The following ITSN2 variants were observed in gnomAD, a reference collection of about 807,000 sequenced individuals.
ITSN2 encodes intersectin-2.
Under a neutral mutation model 243.7 loss-of-function variants are expected in ITSN2, and 156 were observed. That is an observed-to-expected ratio of 0.64 (90% CI 0.56 to 0.73). ITSN2 has a LOEUF of 0.73. Among genes scored for constraint, ITSN2 ranks in the 30% least tolerant of loss-of-function variants. The pLI is 0.00. For synonymous variants in ITSN2, 703 were observed against 699.9 expected (o/e 1.00, Z -0.07); for missense variants, 1,801 against 1,996.1 (o/e 0.90, Z 1.86).
At position 24,208,223 on chromosome 2, in the gene ITSN2, G is replaced by A. The variant is rs779336849; in HGVS notation, c.4678+14C>T. 1.9e-5 allele frequency: 31 copies of A among 1,609,808 alleles called. No homozygotes were observed. Among genetic ancestry groups the A allele is most frequent in the South Asian group, 5.5e-5 (5 of 91,018 alleles). The stretch of plus-strand genomic sequence containing the variant: ...CCCTGGGGGCTGCGTCCCACCCTCC[G>A]GGCACCCTGATACCTTGGTAAGCTT... On this transcript the variant is annotated intron_variant, in intron 37 of 39. Transcript: ENST00000355123.
chr2:24,250,724 T>C (rs1673976841), intron 25 of ITSN2, among the ~76,000 whole-genome samples: 2 of 152,150 alleles, frequency 1.3e-5, no homozygotes, highest in Admixed American at 1.3e-4. Flanking sequence ...CAAGTTTTAG[T>C]GTGGTAGAAT....
Position 24,270,670 on chromosome 2 carries a change from C to T in ITSN2, c.2355+1G>A. On this transcript the variant is annotated splice_donor_variant, in intron 20 of 39. Transcript: ENST00000355123. LOFTEE classifies it high-confidence loss of function. ...GATTAAAAAAAAAATTCATTTCCTACCTGAATTATATCTCCAGAATTAAAA... is the reference window on the plus strand; with the variant it reads ...GATTAAAAAAAAAATTCATTTCCTATCTGAATTATATCTCCAGAATTAAAA... 6.7e-7 allele frequency: 1 copy of T among 1,496,878 alleles called. No individual in the cohort carries two copies. Among genetic ancestry groups the T allele is most frequent in the Non-Finnish European group, 9.3e-7 (1 of 1,080,746 alleles). 92.7% of individuals were successfully genotyped at this position (1,496,878 alleles called of 1,614,324 possible).
Position 24,261,566 on chromosome 2 carries a change from G to A in ITSN2, c.2532C>T (p.Ser844=). 1 of 1,609,562 alleles carries A rather than the reference G, an allele frequency of 6.2e-7. No individual in the cohort carries two copies. Among genetic ancestry groups the A allele is most frequent in the Non-Finnish European group, 8.5e-7 (1 of 1,177,590 alleles). The part of the protein sequence containing the change: ...PTVSLSATST[S]SEPLSSNQPA... The stretch of plus-strand genomic sequence containing the variant: ...ACTGTTAGCTAAAAACTTACTCAGA[G>A]GAAGTTGAGGTAGCAGATAAAGAAA... Residue 844 remains serine (S), a synonymous_variant, in exon 21 of 40, where the codon TCC becomes TCT. Coordinates refer to ENST00000355123, the MANE Select transcript of ITSN2 (RefSeq NM_006277.3).
At position 24,328,107 on chromosome 2, in the gene ITSN2, C is replaced by T. The variant is rs1685356261; in HGVS notation, c.-25G>A. The T allele has an allele frequency of 6.2e-7, 1 of 1,612,802 alleles. No individual in the cohort carries two copies. Among genetic ancestry groups the T allele is most frequent in the Non-Finnish European group, 8.5e-7 (1 of 1,179,090 alleles). On this transcript the variant is annotated 5_prime_UTR_variant, in exon 2 of 40. Transcript: ENST00000355123. ...TGGTCCTGAGTTTTCCTTGCTAGCT[C>T]TCAGCCATCTGCAACATAAAAATAT... is the stretch of plus-strand genomic sequence containing the variant.
At chr2:24,222,658 T>TTTTTC (rs1423723869) in intron 29 of ITSN2, among the ~76,000 whole-genome samples, 43 of 148,184 alleles carry the variant, frequency 2.9e-4, no homozygotes, top group African/African-American at 9.5e-4. Flanking sequence ...ACAATAACTA[T>TTTTTC]TTTTCTTTTC....
At chr2:24,266,921 A>G (rs1161268634) in intron 20 of ITSN2, among the ~76,000 whole-genome samples, 1 of 152,094 alleles carries the variant, frequency 6.6e-6, no homozygotes. Context: ...TGGGTAACAG[A>G]TTGAGACCCA....
chr2:24,285,174 C>T (rs1389051084), intron 16 of ITSN2, among the ~76,000 whole-genome samples: 1 of 152,130 alleles, frequency 6.6e-6, no homozygotes, highest in Non-Finnish European at 1.5e-5. Flanking sequence ...GGATTACAGG[C>T]ATGAGCCACC....
chr2:24,288,482 C>G (rs1558559245), intron 15 of ITSN2, among the ~76,000 whole-genome samples: 1 of 151,984 alleles, frequency 6.6e-6, no homozygotes, highest in African/African-American at 2.4e-5. Flanking sequence ...CATAATTTAG[C>G]TAATTAACAT....
chr2:24,341,173 G>A (rs1016670881), intron 1 of ITSN2, among the ~76,000 whole-genome samples: 3 of 152,156 alleles, frequency 2.0e-5, no homozygotes, highest in Admixed American at 6.6e-5. Flanking sequence ...AAGAAAGTAG[G>A]AATCTAGATA....
intron 29 of ITSN2, chr2:24,221,389 G>C (rs1168888567): frequency 7.6e-6 from 2 of 262,024 alleles, no homozygotes; most frequent in Non-Finnish European, 1.4e-5. Context: ...ATGATTAAAT[G>C]AATCAGATGC....
In ITSN2 at chr2:24,310,532, G is replaced by C. The variant is rs760514011; in HGVS notation, c.513C>G (p.Thr171=). ...TGGGTAAAGGCTGAATGAGACTGGCGGTTCCATTTGGTAATGATGATGTGC... is the reference window on the plus strand; with the variant it reads ...TGGGTAAAGGCTGAATGAGACTGGCCGTTCCATTTGGTAATGATGATGTGC... ...SVSTSSLPNG[T]ASLIQPLPIP... Residue 171 remains threonine (T), a synonymous_variant, in exon 6 of 40, where the codon ACC becomes ACG. Transcript: ENST00000355123. 2.5e-6 allele frequency: 4 copies of C among 1,614,008 alleles called. No individual in the cohort carries two copies. Among genetic ancestry groups the C allele is most frequent in the African/African-American group, 1.3e-5 (1 of 74,928 alleles).
chr2:24,327,941 A>C (rs1685335014), intron 2 of ITSN2, 111 bp downstream of exon 2: 6 of 926,026 alleles, frequency 6.5e-6, no homozygotes, highest in Non-Finnish European at 1.0e-5. Context: ...GAATACTTCA[A>C]GTTTTGTATT....
intron 30 of ITSN2, among the ~76,000 whole-genome samples, chr2:24,218,654 G>C (rs912159758): frequency 6.6e-6 from 1 of 152,180 alleles, no homozygotes; most frequent in Admixed American, 6.5e-5. Flanking sequence ...AGGCGAAGCT[G>C]AGTCAGGTAT....
Position 24,210,017 on chromosome 2 carries a change from G to A in ITSN2, c.4274C>T (p.Ser1425Phe), listed in dbSNP as rs753621324. The A allele has an allele frequency of 3.1e-6, 5 of 1,613,236 alleles. No homozygotes were observed. The South Asian group carries it at 3.3e-5, about 11-fold the overall frequency. ...CCGGGGCCCCAGGCAGTTGGTGAGAGAGTTGAAAATAAGTTGCTTAAAGAG... is the reference window on the plus strand; with the variant it reads ...CCGGGGCCCCAGGCAGTTGGTGAGAAAGTTGAAAATAAGTTGCTTAAAGAG... ...EGLAEQLIFN[S>F]LTNCLGPRKL... The change falls in exon 35 of 40, where the codon TCT (serine) becomes TTT (phenylalanine). Residue 1425 changes from serine (S) to phenylalanine (F), a missense_variant. By Grantham distance (155) the Ser-to-Phe change is radical. Coordinates refer to ENST00000355123, the MANE Select transcript of ITSN2 (RefSeq NM_006277.3).
intron 17 of ITSN2, among the ~76,000 whole-genome samples, chr2:24,281,718 G>C (rs1291610039): frequency 2.0e-5 from 3 of 152,188 alleles, no homozygotes; most frequent in African/African-American, 7.2e-5. Context: ...TATCTGCACT[G>C]AGATGTCTAT....
In ITSN2 at chr2:24,315,238, G is replaced by A. The variant is rs1344545518; in HGVS notation, c.32-14C>T. On this transcript the variant is annotated splice_polypyrimidine_tract_variant and intron_variant, in intron 2 of 39. Coordinates refer to ENST00000355123, the MANE Select transcript of ITSN2 (RefSeq NM_006277.3). ...TGTTTGGCCCTCCTGAAACATAAGT[G>A]GAAGAAACTATAGTGTATACATGAG... is the stretch of plus-strand genomic sequence containing the variant. The A allele has an allele frequency of 6.7e-7, 1 of 1,485,998 alleles. No individual in the cohort carries two copies. The highest frequency in any genetic ancestry group is 2.3e-5 in the East Asian group (1 of 44,160). 92.1% of individuals were successfully genotyped at this position (1,485,998 alleles called of 1,614,324 possible). A position where few individuals can be genotyped will look rare whatever the true frequency, so the allele number is the denominator to read the frequency against.
In ITSN2 at chr2:24,286,253, A is replaced by G; in HGVS notation, c.1822T>C (p.Ser608Pro). The G allele has an allele frequency of 6.2e-7, 1 of 1,603,468 alleles. No homozygotes were observed. The highest frequency in any genetic ancestry group is 8.5e-7 in the Non-Finnish European group (1 of 1,171,492). ...QLDALEKETA[S>P]KLSEMDSFNN... Reference sequence around the variant, plus strand: ...AAAGAATCCATTTCTGACAGCTTAGATGCAGTTTCTTTTTCAAGAGCATCT... The same window carrying G: ...AAAGAATCCATTTCTGACAGCTTAGGTGCAGTTTCTTTTTCAAGAGCATCT... The change falls in exon 16 of 40, where the codon TCT becomes CCT. Residue 608 changes from serine (S) to proline (P), a missense_variant. Physicochemically the swap from Ser to Pro is moderately conservative, Grantham distance 74. Transcript: ENST00000355123.
At chr2:24,339,466 G>A (rs193043995) in intron 1 of ITSN2, among the ~76,000 whole-genome samples, 18 of 137,860 alleles carry the variant, frequency 1.3e-4, no homozygotes, top group East Asian at 6.3e-4. Context: ...GTGAGACGCC[G>A]TCTCAAAAAA....
chr2:24,258,291 T>C (rs1675329305), intron 22 of ITSN2, among the ~76,000 whole-genome samples, 198 bp from the exon 23 acceptor site: 1 of 152,208 alleles, frequency 6.6e-6, no homozygotes, highest in Admixed American at 6.5e-5. Flanking sequence ...TAAGACAGAC[T>C]GAAAACCCAC....
Sources: gnomAD v4.1 joint callset for allele counts (sites outside exome capture counted in the v4.1 genomes callset) on GRCh38, gnomAD v4.1.1 for gene constraint, MANE v1.5 for transcripts, NCBI Gene and HGNC (gene_info 2026-07-23, HGNC 2026-07-21) for gene names.